Variants in RAB30 observed in about 807,000 individuals in gnomAD.
The protein encoded by RAB30 is ras-related protein Rab-30.
A neutral mutation model predicts 25.1 loss-of-function variants in RAB30; 9 were observed. That is an observed-to-expected ratio of 0.36 (90% confidence interval 0.22 to 0.63). RAB30 has a LOEUF of 0.63. RAB30 is among the 20% of genes least tolerant of loss of function. The probability of loss-of-function intolerance (pLI) is 0.69; values close to 1 mark genes in which losing one functional copy is unlikely to be tolerated. For synonymous variants in RAB30, 77 were observed against 86.4 expected, an observed-to-expected ratio of 0.89 and a Z score of 0.60; for missense variants, 140 against 243.5, an observed-to-expected ratio of 0.58 and a Z score of 2.83.
chr11:83,052,328 C>A (rs1469720285), intron 1 of RAB30, among the ~76,000 whole-genome samples: 1 of 152,172 alleles, frequency 6.6e-6, no homozygotes, highest in East Asian at 1.9e-4. Flanking sequence ...GTGCTCACAG[C>A]CCCAGGATTT....
At chr11:83,003,203 G>A (rs1470389270) in intron 1 of RAB30, among the ~76,000 whole-genome samples, 1 of 152,200 alleles carries the variant, frequency 6.6e-6, no homozygotes, top group African/African-American at 2.4e-5. Context: ...ATACCAGTGA[G>A]TTACGTGAGA....
At chr11:83,038,995 C>T (rs1565286037) in intron 1 of RAB30, 1 of 152,092 alleles carries the variant, frequency 6.6e-6, no homozygotes, top group East Asian at 1.9e-4. Flanking sequence ...AAATTGATTT[C>T]TAAAGGTAAA....
chr11:83,013,414 T>C (rs1285519723), intron 1 of RAB30, among the ~76,000 whole-genome samples: 1 of 152,142 alleles, frequency 6.6e-6, no homozygotes, highest in Non-Finnish European at 1.5e-5. Flanking sequence ...TTGGTTTATG[T>C]ATCCTGTTTC....
chr11:83,009,318 G>A (rs1590849729), intron 1 of RAB30, among the ~76,000 whole-genome samples: 2 of 152,050 alleles, frequency 1.3e-5, no homozygotes, highest in East Asian at 1.9e-4. Flanking sequence ...CGCCCGCCTC[G>A]GCCTCCCAAA....
rs1009255234 is a variant in RAB30, at chr11:82,980,839, A to C, written c.*1326T>G. 1 of 139,638 alleles carries C rather than the reference A, an allele frequency of 7.2e-6. No individual in the cohort carries two copies. The highest frequency in any genetic ancestry group is 1.6e-5 in the Non-Finnish European group (1 of 63,864). 8.6% of individuals were successfully genotyped at this position (139,638 alleles called of 1,614,324 possible). On this transcript the variant is annotated 3_prime_UTR_variant, in exon 5 of 5. Coordinates refer to ENST00000527633, the MANE Select transcript of RAB30 (RefSeq NM_001286060.2). ...ATATAAGGATGGGAGGGAAGGAGGG[A>C]GGGAGGGAGGGAAGAAGAAAAGGAG...
At chr11:83,053,429 T>G (rs1858396692) in intron 1 of RAB30, among the ~76,000 whole-genome samples, 1 of 152,228 alleles carries the variant, frequency 6.6e-6, no homozygotes, top group African/African-American at 2.4e-5. Context: ...ATTGTATATT[T>G]AGTAATTCTA....
chr11:83,037,185 GT>G (rs11285685), intron 1 of RAB30, among the ~76,000 whole-genome samples: 3,622 of 151,918 alleles, frequency 0.024, 142 homozygotes, highest in African/African-American at 0.084. Context: ...GATACTAAGT[GT>G]TTTTTTAAAA....
At chr11:83,070,926 T>C (rs748836650) in intron 1 of RAB30, among the ~76,000 whole-genome samples, 54 of 152,342 alleles carry the variant, frequency 3.5e-4, no homozygotes, top group Non-Finnish European at 5.9e-4. Flanking sequence ...TATGGTACCA[T>C]TGTCAGTGGC....
intron 1 of RAB30, among the ~76,000 whole-genome samples, chr11:83,019,952 T>C (rs1857529001): frequency 6.6e-6 from 1 of 152,242 alleles, no homozygotes; most frequent in African/African-American, 2.4e-5. Flanking sequence ...AGTGGTGAGC[T>C]GTCTGGAGCA....
Position 83,035,052 on chromosome 11 carries a change from C to T in RAB30, c.-9+36639G>A, listed in dbSNP as rs552430086. On this transcript the variant is annotated intron_variant, in intron 1 of 4. Coordinates refer to ENST00000527633, the MANE Select transcript of RAB30 (RefSeq NM_001286060.2). ...ACTAAGCTAATATTTTTACATGCACCGTATCATCTAATCCTCACAGCAACT... is the reference window on the plus strand; with the variant it reads ...ACTAAGCTAATATTTTTACATGCACTGTATCATCTAATCCTCACAGCAACT... Among the ~76,000 whole-genome samples, 6 of 151,458 alleles carry T rather than the reference C, an allele frequency of 4.0e-5. No individual in the cohort carries two copies. The South Asian group carries it at 6.3e-4, about 16-fold the overall frequency.
intron 1 of RAB30, among the ~76,000 whole-genome samples, chr11:83,042,370 C>T (rs376923433): frequency 2.6e-5 from 4 of 151,546 alleles, no homozygotes; most frequent in South Asian, 2.1e-4. Context: ...CTGGGCAATA[C>T]GGTGAAACCC....
At chr11:83,060,968 C>T (rs369432076) in intron 1 of RAB30, among the ~76,000 whole-genome samples, 4 of 152,162 alleles carry the variant, frequency 2.6e-5, no homozygotes, top group Non-Finnish European at 5.9e-5. Context: ...CTCCTGTCCT[C>T]GGACAACAAC....
chr11:82,994,753 T>A (rs550251089), intron 2 of RAB30, among the ~76,000 whole-genome samples: 1 of 152,270 alleles, frequency 6.6e-6, no homozygotes, highest in Admixed American at 6.5e-5. Context: ...GTACCATGCA[T>A]GTGTAATTAC....
intron 1 of RAB30, among the ~76,000 whole-genome samples, chr11:83,026,958 A>T (rs1010462611): frequency 1.3e-5 from 2 of 152,212 alleles, no homozygotes; most frequent in African/African-American, 4.8e-5. Flanking sequence ...AATCCTTAAA[A>T]AACACAGGAA....
At chr11:83,009,807 C>A (rs1156858425) in intron 1 of RAB30, among the ~76,000 whole-genome samples, 1 of 152,112 alleles carries the variant, frequency 6.6e-6, no homozygotes, top group African/African-American at 2.4e-5. Context: ...TCATCAAAAG[C>A]CTTTCAATAC....
intron 1 of RAB30, among the ~76,000 whole-genome samples, chr11:83,054,200 C>A (rs749203750): frequency 8.5e-5 from 13 of 152,200 alleles, no homozygotes; most frequent in Admixed American, 3.3e-4. Context: ...AACATCCTCT[C>A]ATCCTAGACA....
chr11:83,010,880 C>T (rs1319609911), intron 1 of RAB30, among the ~76,000 whole-genome samples: 2 of 152,184 alleles, frequency 1.3e-5, no homozygotes, highest in South Asian at 2.1e-4. Context: ...AGAACATCAA[C>T]ACCATGGGAT....
rs1422240126 is a variant in RAB30, at chr11:82,979,490, TAAATTTAGGTTCTGG to T, written c.*2660_*2674del. 1 of 152,140 alleles carries T rather than the reference TAAATTTAGGTTCTGG, an allele frequency of 6.6e-6. No individual in the cohort carries two copies. Among genetic ancestry groups the T allele is most frequent in the East Asian group, 1.9e-4 (1 of 5,190 alleles). The allele number at this position is 152,140 out of a possible 1,614,324, so 9.4% of individuals were successfully genotyped here. A position where few individuals can be genotyped will look rare whatever the true frequency, so the allele number is the denominator to read the frequency against. On this transcript the variant is annotated 3_prime_UTR_variant, in exon 5 of 5. Coordinates refer to ENST00000527633, the MANE Select transcript of RAB30 (RefSeq NM_001286060.2). Reference sequence around the variant, plus strand: ...ACAATAAGACTGTTAGGCAAACCAATAAATTTAGGTTCTGGCCTGGGTTAAGATGACTGTATTTAG... The same window carrying T: ...ACAATAAGACTGTTAGGCAAACCAATCCTGGGTTAAGATGACTGTATTTAG...
At chr11:83,053,955 T>C (rs544909704) in intron 1 of RAB30, among the ~76,000 whole-genome samples, 144 of 152,248 alleles carry the variant, frequency 9.5e-4, no homozygotes, top group African/African-American at 3.3e-3. Context: ...CCAGGAGTGA[T>C]AGCATATGCC....
Sources: gnomAD v4.1 joint callset for allele counts (sites outside exome capture counted in the v4.1 genomes callset) on GRCh38, gnomAD v4.1.1 for gene constraint, MANE v1.5 for transcripts, NCBI Gene and HGNC (gene_info 2026-07-23, HGNC 2026-07-21) for gene names.